The following STARD3 variants were observed in gnomAD, a reference collection of about 807,000 sequenced individuals.
The protein encoded by STARD3 is stAR-related lipid transfer protein 3.
A neutral mutation model predicts 62.0 loss-of-function variants in STARD3; 39 were observed. The observed-to-expected ratio is 0.63, with a 90% CI of 0.49 to 0.82. STARD3 has a LOEUF of 0.82. Ranked by LOEUF, STARD3 falls within the 40% of genes least tolerant of loss-of-function variation. The probability of loss-of-function intolerance (pLI) is 0.00; values close to 1 mark genes in which losing one functional copy is unlikely to be tolerated. For missense variants in STARD3, 543 were observed against 584.5 expected (o/e 0.93, Z 0.73); for synonymous variants, 229 against 242.4 (o/e 0.94, Z 0.51).
chr17:39,661,129 C>G, intron 13 of STARD3, 44 bp downstream of exon 13: 1 of 1,582,620 alleles, frequency 6.3e-7, no homozygotes, highest in Non-Finnish European at 8.7e-7. Context: ...AGCCCCTCCC[C>G]TGGGAGCATT....
chr17:39,643,865 A>G (rs951607695), intron 1 of STARD3, among the ~76,000 whole-genome samples: 5 of 152,244 alleles, frequency 3.3e-5, no homozygotes, highest in Non-Finnish European at 7.3e-5. Context: ...GCATTGAATA[A>G]GTCATTTAAT....
chr17:39,648,864 T>C (rs1374051957), intron 1 of STARD3, among the ~76,000 whole-genome samples: 1 of 152,148 alleles, frequency 6.6e-6, no homozygotes, highest in Non-Finnish European at 1.5e-5. Flanking sequence ...TGGTTGCCAC[T>C]CCAAGTGCGT....
rs1440426869 is a variant in STARD3, at chr17:39,649,710, T to TA, written c.-51-3770dup. 3.3e-5 allele frequency among the ~76,000 whole-genome samples: 5 copies of TA among 151,732 alleles called. No homozygotes were observed. In the East Asian group the frequency reaches 7.8e-4, roughly 24 times the overall value. On this transcript the variant is annotated intron_variant, in intron 1 of 14. Coordinates refer to ENST00000336308, the MANE Select transcript of STARD3 (RefSeq NM_006804.4). The stretch of plus-strand genomic sequence containing the variant: ...GGTGAAACCTCATCTCTACTAAAAA[T>TA]ACAAAGTTAGCTGGACATGGTGGCA...
At chr17:39,662,530 A>G in intron 14 of STARD3, 186 bp downstream of exon 14, 1 of 657,300 alleles carries the variant, frequency 1.5e-6, no homozygotes, top group Non-Finnish European at 2.6e-6. Flanking sequence ...GCTGTAGGGC[A>G]TGTGCCCCCC....
At chr17:39,647,218 AAC>A (rs1187167910) in intron 1 of STARD3, among the ~76,000 whole-genome samples, 2 of 150,560 alleles carry the variant, frequency 1.3e-5, no homozygotes, top group African/African-American at 4.9e-5. Flanking sequence ...AAAAAAAAAA[AAC>A]CCTCCACTTT....
At position 39,663,830 on chromosome 17, in the gene STARD3, C is replaced by G. The variant is rs1011013010; in HGVS notation, c.*922C>G. ...TGACTGTGTGGCCTGGAGATGGGGC[C>G]TGAGCTTCAGGGTCACTGAGGCACC... On this transcript the variant is annotated 3_prime_UTR_variant, in exon 15 of 15. Transcript: ENST00000336308. 1.3e-5 allele frequency among the ~76,000 whole-genome samples: 2 copies of G among 152,156 alleles called. No individual in the cohort carries two copies. The highest frequency in any genetic ancestry group is 4.8e-5 in the African/African-American group (2 of 41,422).
chr17:39,650,301 G>C (rs1277515006), intron 1 of STARD3, among the ~76,000 whole-genome samples: 2 of 152,206 alleles, frequency 1.3e-5, no homozygotes, highest in African/African-American at 4.8e-5. Flanking sequence ...GTCGGCGTTT[G>C]TGGCTACAAG....
chr17:39,653,474 C>T lies in STARD3; in HGVS notation c.-51-7C>T, dbSNP rs577655884. On this transcript the variant is annotated splice_region_variant and splice_polypyrimidine_tract_variant and intron_variant, in intron 1 of 14. Coordinates refer to ENST00000336308, the MANE Select transcript of STARD3 (RefSeq NM_006804.4). ...TTGACAGGACTCTGCCTCTGCCTCG[C>T]CCCCAGCCCTGCTGCTGAGGCCGCG... 85 of 1,566,840 alleles carry T rather than the reference C, an allele frequency of 5.4e-5. No individual in the cohort carries two copies. The East Asian group carries it at 1.8e-3, about 33-fold the overall frequency.
Position 39,663,124 on chromosome 17 carries a change from C to T in STARD3, c.*216C>T. 2 of 489,388 alleles carry T rather than the reference C, an allele frequency of 4.1e-6. No homozygotes were observed. The highest frequency in any genetic ancestry group is 6.9e-5 in the East Asian group (2 of 28,816). 30.3% of individuals were successfully genotyped at this position (489,388 alleles called of 1,614,324 possible). A position where few individuals can be genotyped will look rare whatever the true frequency, so the allele number is the denominator to read the frequency against. ...ACTGGCTGGAGGAAGTGGGGTCTGG[C>T]CTGTTGATGTTTACATGGCGCCCTG... On this transcript the variant is annotated 3_prime_UTR_variant, in exon 15 of 15. Transcript: ENST00000336308.
chr17:39,645,782 A>G (rs1271204707), intron 1 of STARD3, among the ~76,000 whole-genome samples: 1 of 150,166 alleles, frequency 6.7e-6, no homozygotes. Flanking sequence ...AAGTCTTGCC[A>G]GCTACTTAAT....
chr17:39,655,219 T>A (rs2057115833), intron 2 of STARD3, among the ~76,000 whole-genome samples: 1 of 152,252 alleles, frequency 6.6e-6, no homozygotes, highest in Admixed American at 6.5e-5. Context: ...AGGGTCTTGC[T>A]CTATTGGCCA....
chr17:39,654,915 G>A (rs1294170261), intron 2 of STARD3, among the ~76,000 whole-genome samples: 1 of 152,238 alleles, frequency 6.6e-6, no homozygotes, highest in Non-Finnish European at 1.5e-5. Context: ...ACAGGGCTCT[G>A]AGGGTGACTG....
Position 39,663,144 on chromosome 17 carries a change from G to C in STARD3, c.*236G>C, listed in dbSNP as rs534525076. 46 of 463,774 alleles carry C rather than the reference G, an allele frequency of 9.9e-5. No individual in the cohort carries two copies. The East Asian group carries it at 1.6e-3, about 16-fold the overall frequency. The allele number at this position is 463,774 out of a possible 1,614,324, so 28.7% of individuals were successfully genotyped here. On this transcript the variant is annotated 3_prime_UTR_variant, in exon 15 of 15. Coordinates refer to ENST00000336308, the MANE Select transcript of STARD3 (RefSeq NM_006804.4). The stretch of plus-strand genomic sequence containing the variant: ...TCTGGCCTGTTGATGTTTACATGGC[G>C]CCCTGCCTCCTGGAGGACCAGATTG...
intron 1 of STARD3, among the ~76,000 whole-genome samples, chr17:39,652,040 G>A (rs1183310319): frequency 6.6e-6 from 1 of 152,190 alleles, no homozygotes; most frequent in Non-Finnish European, 1.5e-5. Context: ...GGCACAGGAT[G>A]GTAAGGGATT....
chr17:39,659,022 C>T (rs749943910), intron 7 of STARD3, 29 bp from the exon 8 acceptor site: 1 of 1,613,930 alleles, frequency 6.2e-7, no homozygotes, highest in Admixed American at 1.7e-5. Context: ...CCACCCCTTG[C>T]CATTGTCATC....
chr17:39,662,409 T>G, intron 14 of STARD3, 65 bp downstream of exon 14: 1 of 1,487,686 alleles, frequency 6.7e-7, no homozygotes, highest in Non-Finnish European at 9.3e-7. Flanking sequence ...GCTGACTTGG[T>G]TGCTGCATGA....
intron 1 of STARD3, among the ~76,000 whole-genome samples, chr17:39,642,239 C>T (rs1232104061): frequency 6.6e-6 from 1 of 152,220 alleles, no homozygotes; most frequent in African/African-American, 2.4e-5. Context: ...CTTAACCCTC[C>T]TCTGTTATCA....
intron 1 of STARD3, among the ~76,000 whole-genome samples, chr17:39,648,806 C>T (rs1056593323): frequency 6.6e-6 from 1 of 152,230 alleles, no homozygotes; most frequent in African/African-American, 2.4e-5. Flanking sequence ...CTAGCCCCAT[C>T]TGCGTCTCTC....
chr17:39,642,868 G>T (rs1412872749), intron 1 of STARD3, among the ~76,000 whole-genome samples: 1 of 152,134 alleles, frequency 6.6e-6, no homozygotes, highest in Non-Finnish European at 1.5e-5. Context: ...AGGGCCCTGG[G>T]GTAGGAGCAT....
Sources: allele counts gnomAD v4.1 joint callset (sites outside exome capture counted in the v4.1 genomes callset), GRCh38; gene constraint gnomAD v4.1.1; transcripts MANE v1.5; gene names NCBI Gene and HGNC (gene_info 2026-07-23, HGNC 2026-07-21).